CADM2: variants seen among roughly 807,000 people sequenced by gnomAD.
CADM2 encodes cell adhesion molecule 2.
In CADM2, 12 loss-of-function variants were observed where a neutral mutation model predicts 49.8. That is an observed-to-expected ratio of 0.24 (90% CI 0.15 to 0.39). The LOEUF is 0.39. Ranked by LOEUF, CADM2 falls within the 10% of genes least tolerant of loss-of-function variation. The pLI, the probability that CADM2 is intolerant of heterozygous loss-of-function variation, is 1.00. For missense variants in CADM2, 378 were observed against 492.3 expected (o/e 0.77, Z 2.20); for synonymous variants, 214 against 175.4 (o/e 1.22, Z -1.74).
intron 8 of CADM2, among the ~76,000 whole-genome samples, chr3:86,037,686 A>G (rs1225275370): frequency 6.6e-6 from 1 of 152,212 alleles, no homozygotes; most frequent in African/African-American, 2.4e-5. Flanking sequence ...TATTGTTAAT[A>G]TTTAAGAAAT....
chr3:85,489,139 G>C (rs540529642), intron 1 of CADM2, among the ~76,000 whole-genome samples: 9 of 152,060 alleles, frequency 5.9e-5, no homozygotes, highest in Admixed American at 3.3e-4. Flanking sequence ...ATAATCTTAA[G>C]AAAGGGGAAT....
chr3:86,016,696 C>A (rs1475495448), intron 8 of CADM2, among the ~76,000 whole-genome samples: 1 of 152,056 alleles, frequency 6.6e-6, no homozygotes, highest in Non-Finnish European at 1.5e-5. Context: ...TCTTAACCTC[C>A]TGAATTCAGT....
chr3:86,041,852 TA>T (rs1479738889), intron 8 of CADM2, among the ~76,000 whole-genome samples: 1 of 152,104 alleles, frequency 6.6e-6, no homozygotes, highest in Non-Finnish European at 1.5e-5. Flanking sequence ...TCAGCAAATG[TA>T]AAAGAACAAA....
chr3:85,178,461 A>G (rs2040841987), intron 1 of CADM2, among the ~76,000 whole-genome samples: 1 of 151,904 alleles, frequency 6.6e-6, no homozygotes, highest in African/African-American at 2.4e-5. Flanking sequence ...TTTAAAGCCT[A>G]TTAGTCTCAA....
At chr3:85,639,257 T>G (rs1391971107) in intron 1 of CADM2, among the ~76,000 whole-genome samples, 1 of 152,202 alleles carries the variant, frequency 6.6e-6, no homozygotes, top group Non-Finnish European at 1.5e-5. Context: ...AGATAATAGG[T>G]GAATGTCTTT....
At chr3:84,962,161 A>AATAC (rs1158810395) in intron 1 of CADM2, among the ~76,000 whole-genome samples, 1 of 151,704 alleles carries the variant, frequency 6.6e-6, no homozygotes, top group Non-Finnish European at 1.5e-5. Context: ...TAAATAAATA[A>AATAC]ATAAAGGTTC....
At chr3:84,969,507 C>CTT (rs11456909) in intron 1 of CADM2, among the ~76,000 whole-genome samples, 23 of 149,468 alleles carry the variant, frequency 1.5e-4, no homozygotes, top group Non-Finnish European at 2.8e-4. Flanking sequence ...TCTGGTCTAT[C>CTT]TTTTTTTTTA....
intron 1 of CADM2, among the ~76,000 whole-genome samples, chr3:85,329,791 A>C (rs1187753676): frequency 6.6e-6 from 1 of 152,102 alleles, no homozygotes; most frequent in Non-Finnish European, 1.5e-5. Context: ...AAACATTTAA[A>C]ATTTATTGTT....
At chr3:85,590,045 G>A (rs2107337189) in intron 1 of CADM2, among the ~76,000 whole-genome samples, 1 of 152,050 alleles carries the variant, frequency 6.6e-6, no homozygotes. Context: ...ACAGGTTCAA[G>A]GAGTGTATAT....
intron 1 of CADM2, among the ~76,000 whole-genome samples, chr3:85,615,585 T>C (rs1047314015): frequency 4.0e-5 from 6 of 151,784 alleles, no homozygotes; most frequent in East Asian, 2.0e-4. Context: ...CTTTCTTTCC[T>C]TTCATTTGTC....
chr3:85,863,234 A>C (rs1315274868), intron 3 of CADM2, among the ~76,000 whole-genome samples: 2 of 152,144 alleles, frequency 1.3e-5, no homozygotes, highest in African/African-American at 2.4e-5. Context: ...TTTGTAAGTG[A>C]GGAGATGAGG....
chr3:85,502,194 G>C lies in CADM2; in HGVS notation c.62-224328G>C, dbSNP rs572335354. Among the ~76,000 whole-genome samples the C allele has an allele frequency of 2.0e-5, 3 of 152,254 alleles. No individual in the cohort carries two copies. In the South Asian group the frequency reaches 6.2e-4, roughly 32 times the overall value. ...ATGTAAGATGTCACACCTAGGTAGA[G>C]TTTATTTACTTGTTTTCTAGAAACC... On this transcript the variant is annotated intron_variant, in intron 1 of 9. Transcript: ENST00000383699.
At chr3:85,134,560 A>G (rs1424927812) in intron 1 of CADM2, among the ~76,000 whole-genome samples, 1 of 152,264 alleles carries the variant, frequency 6.6e-6, no homozygotes, top group Non-Finnish European at 1.5e-5. Context: ...AGTTGGTTAT[A>G]CATGTTTAGT....
At chr3:85,398,471 T>C (rs1484176114) in intron 1 of CADM2, among the ~76,000 whole-genome samples, 2 of 152,208 alleles carry the variant, frequency 1.3e-5, no homozygotes, top group Non-Finnish European at 2.9e-5. Context: ...AACATACATG[T>C]GCATGTGTCT....
chr3:85,055,832 A>G (rs2036059578), intron 1 of CADM2, among the ~76,000 whole-genome samples: 3 of 152,158 alleles, frequency 2.0e-5, no homozygotes, highest in South Asian at 4.1e-4. Context: ...AAAATGTAGT[A>G]TCTCAGGCCC....
At chr3:85,423,068 G>T (rs907692757) in intron 1 of CADM2, among the ~76,000 whole-genome samples, 3 of 152,080 alleles carry the variant, frequency 2.0e-5, no homozygotes, top group Non-Finnish European at 4.4e-5. Context: ...CTTTCAGCAG[G>T]ATGGGGAATT....
intron 2 of CADM2, among the ~76,000 whole-genome samples, chr3:85,788,416 A>G (rs2071128096): frequency 6.6e-6 from 1 of 152,118 alleles, no homozygotes; most frequent in Non-Finnish European, 1.5e-5. Flanking sequence ...ACGAGTTAGA[A>G]TCCAAACATC....
At chr3:85,998,434 G>T (rs1729706638) in intron 8 of CADM2, among the ~76,000 whole-genome samples, 1 of 151,904 alleles carries the variant, frequency 6.6e-6, no homozygotes, top group Non-Finnish European at 1.5e-5. Flanking sequence ...AACACAAAGA[G>T]GAATTGGATA....
At chr3:85,528,562 A>G (rs2061225068) in intron 1 of CADM2, among the ~76,000 whole-genome samples, 1 of 152,160 alleles carries the variant, frequency 6.6e-6, no homozygotes, top group African/African-American at 2.4e-5. Flanking sequence ...CGTAAGCATA[A>G]CCCTCTTCTA....
Sources: gnomAD v4.1 joint callset for allele counts (sites outside exome capture counted in the v4.1 genomes callset) on GRCh38, gnomAD v4.1.1 for gene constraint, MANE v1.5 for transcripts, NCBI Gene and HGNC (gene_info 2026-07-23, HGNC 2026-07-21) for gene names.